Variants in NKD1 observed in about 807,000 individuals in gnomAD.
The protein encoded by NKD1 is protein naked cuticle homolog 1.
NKD1 carries 21 observed loss-of-function variants against 56.0 expected under a neutral mutation model. The observed-to-expected ratio is 0.38, with a 90% CI of 0.27 to 0.54. NKD1 has a LOEUF of 0.54. NKD1 is among the 20% of genes least tolerant of loss of function. The pLI is 0.82. For missense variants in NKD1, 578 were observed against 642.7 expected, an observed-to-expected ratio of 0.90 and a Z score of 1.09; for synonymous variants, 263 against 265.7, an observed-to-expected ratio of 0.99 and a Z score of 0.10.
intron 5 of NKD1, 26 bp downstream of exon 5, chr16:50,621,734 C>A: frequency 6.4e-7 from 1 of 1,563,678 alleles, no homozygotes; most frequent in Non-Finnish European, 8.8e-7. Flanking sequence ...GTGCTGGGTC[C>A]TGAGGAGATG....
In NKD1 at chr16:50,608,352, G is replaced by A. The variant is rs550610337; in HGVS notation, c.251G>A (p.Arg84Gln). 2.5e-4 allele frequency: 407 copies of A among 1,611,878 alleles called. 6 individuals are homozygous for A. The South Asian group carries it at 4.2e-3, about 17-fold the overall frequency. Residue 84 changes from arginine to glutamine, a missense_variant, in exon 4 of 10, where the codon CGG becomes CAG. Physicochemically the swap from Arg to Gln is conservative, Grantham distance 43. Coordinates refer to ENST00000268459, the MANE Select transcript of NKD1 (RefSeq NM_033119.5). ...TLSEEEEDDF[R>Q]LEVALPPEKT... is the part of the protein sequence containing the mutation. ...AGCGAGGAAGAGGAGGACGACTTTC[G>A]GCTGGAAGGTATTCGGAGTCCATTG... is the stretch of plus-strand genomic sequence containing the variant.
rs868252554 is a variant in NKD1, at chr16:50,637,029, C to T, written c.*3248C>T. The T allele has an allele frequency of 8.5e-5, 13 of 152,212 alleles. No homozygotes were observed. Among genetic ancestry groups the T allele is most frequent in the African/African-American group, 3.1e-4 (13 of 41,440 alleles). The allele number at this position is 152,212 out of a possible 1,614,324, so 9.4% of individuals were successfully genotyped here. A position where few individuals can be genotyped will look rare whatever the true frequency, so the allele number is the denominator to read the frequency against. ...GTCATAGAGCTCTGCCCCCTTCTCTCTAACAGCTGCTCAGCCTTCTGTGAC... is the reference window on the plus strand; with the variant it reads ...GTCATAGAGCTCTGCCCCCTTCTCTTTAACAGCTGCTCAGCCTTCTGTGAC... On this transcript the variant is annotated 3_prime_UTR_variant, in exon 10 of 10. Coordinates refer to ENST00000268459, the MANE Select transcript of NKD1 (RefSeq NM_033119.5).
At position 50,638,519 on chromosome 16, in the gene NKD1, C is replaced by T. The variant is rs1274154706; in HGVS notation, c.*4738C>T. 2.0e-5 allele frequency: 3 copies of T among 152,252 alleles called. No individual in the cohort carries two copies. The highest frequency in any genetic ancestry group is 4.4e-5 in the Non-Finnish European group (3 of 68,082). 9.4% of individuals were successfully genotyped at this position (152,252 alleles called of 1,614,324 possible). A position where few individuals can be genotyped will look rare whatever the true frequency, so the allele number is the denominator to read the frequency against. ...AGAGCAAAGACAGATGTTTCAGCCA[C>T]ACGCTTTATTAACTTCTAAAACCTG... On this transcript the variant is annotated 3_prime_UTR_variant, in exon 10 of 10. Transcript: ENST00000268459.
In NKD1 at chr16:50,585,456, G is replaced by A. The variant is rs148333302; in HGVS notation, c.193-22838G>A. ...CTGAGTCTGAGAGGCTGCTTTGGAC[G>A]TGCATCCTGGGCCTTGGAAGAATCT... On this transcript the variant is annotated intron_variant, in intron 3 of 9. Coordinates refer to ENST00000268459, the MANE Select transcript of NKD1 (RefSeq NM_033119.5). Among the ~76,000 whole-genome samples the A allele has an allele frequency of 2.4e-3, 361 of 152,324 alleles. 2 individuals are homozygous for A. The highest frequency in any genetic ancestry group is 8.0e-3 in the African/African-American group (333 of 41,584).
In NKD1 at chr16:50,633,592, G is replaced by C. The variant is rs200433062; in HGVS notation, c.1224G>C (p.Glu408Asp). Residue 408 changes from glutamate to aspartate, a missense_variant, in exon 10 of 10, where the codon GAG (glutamate) becomes GAC (aspartate). By Grantham distance (45) the Glu-to-Asp change is conservative. Coordinates refer to ENST00000268459, the MANE Select transcript of NKD1 (RefSeq NM_033119.5). This position sits in a 1 kb window ranked among gnomAD's most constrained non-coding sequence, Gnocchi z 4.9. Reference protein sequence around the residue: ...GHKKHKHRAKESQQGCRGLQA... With the variant: ...GHKKHKHRAKDSQQGCRGLQA... The stretch of plus-strand genomic sequence containing the variant: ...AGAAGCACAAGCACCGAGCCAAGGA[G>C]AGCCAGCAGGGCTGCCGGGGCCTGC... The C allele has an allele frequency of 1.8e-4, 288 of 1,611,394 alleles. 1 individual carries two copies. Among genetic ancestry groups the C allele is most frequent in the Non-Finnish European group, 2.3e-4 (274 of 1,179,518 alleles).
chr16:50,630,104 G>C, intron 6 of NKD1, 82 bp from the exon 7 acceptor site: 1 of 1,354,624 alleles, frequency 7.4e-7, no homozygotes, highest in Non-Finnish European at 1.0e-6. Flanking sequence ...CAGGCCTGCA[G>C]CGTCCACCAG....
chr16:50,611,551 G>A (rs926470899), intron 4 of NKD1, among the ~76,000 whole-genome samples: 1 of 152,194 alleles, frequency 6.6e-6, no homozygotes, highest in African/African-American at 2.4e-5. Context: ...GCCCAAGGGT[G>A]GATGTGCCTG....
intron 3 of NKD1, among the ~76,000 whole-genome samples, chr16:50,559,311 G>A (rs981639237): frequency 6.6e-6 from 1 of 152,230 alleles, no homozygotes; most frequent in Non-Finnish European, 1.5e-5. Flanking sequence ...TGAAGGAAAA[G>A]GATGGGGAAG....
intron 3 of NKD1, among the ~76,000 whole-genome samples, chr16:50,577,245 G>T (rs915821724): frequency 3.3e-5 from 5 of 152,118 alleles, no homozygotes; most frequent in African/African-American, 9.7e-5. Flanking sequence ...AGGGTTGTTG[G>T]GTGGGTGGGT....
chr16:50,562,760 G>C (rs12920383), intron 3 of NKD1, among the ~76,000 whole-genome samples: 6 of 152,000 alleles, frequency 3.9e-5, no homozygotes, highest in Non-Finnish European at 8.8e-5. Flanking sequence ...AGAGGGATGA[G>C]GGGGGAGGAG....
At position 50,640,633 on chromosome 16, in the gene NKD1, G is replaced by A. The variant is rs1962561456; in HGVS notation, c.*6852G>A. Reference sequence around the variant, plus strand: ...GGGAGGGAGGAGGGAGTGGAGTGGAGATTTCTCATCCTTTCCTGTTAATTT... The same window carrying A: ...GGGAGGGAGGAGGGAGTGGAGTGGAAATTTCTCATCCTTTCCTGTTAATTT... On this transcript the variant is annotated 3_prime_UTR_variant, in exon 10 of 10. Transcript: ENST00000268459. The A allele has an allele frequency of 1.3e-5, 2 of 152,180 alleles. No individual in the cohort carries two copies. Among genetic ancestry groups the A allele is most frequent in the Admixed American group, 6.5e-5 (1 of 15,276 alleles). 9.4% of individuals were successfully genotyped at this position (152,180 alleles called of 1,614,324 possible).
At chr16:50,615,405 T>C (rs776217672) in intron 4 of NKD1, among the ~76,000 whole-genome samples, 3 of 152,156 alleles carry the variant, frequency 2.0e-5, no homozygotes, top group Non-Finnish European at 2.9e-5. Context: ...ATGAGTGATA[T>C]AATGATGGTG....
At chr16:50,601,946 G>A (rs1157368911) in intron 3 of NKD1, among the ~76,000 whole-genome samples, 3 of 152,186 alleles carry the variant, frequency 2.0e-5, no homozygotes, top group Non-Finnish European at 2.9e-5. Flanking sequence ...CCCATCCCTG[G>A]GTCCAGGCCT....
chr16:50,554,450 C>T (rs577479404), intron 3 of NKD1, among the ~76,000 whole-genome samples: 1 of 152,278 alleles, frequency 6.6e-6, no homozygotes, highest in African/African-American at 2.4e-5. Flanking sequence ...TAGATTAGGT[C>T]ACCCTCCCTG....
At chr16:50,624,519 G>T (rs529761327) in intron 5 of NKD1, among the ~76,000 whole-genome samples, 1 of 152,354 alleles carries the variant, frequency 6.6e-6, no homozygotes, top group Non-Finnish European at 1.5e-5. Context: ...AAGCATGGGT[G>T]TAAAGGACAC....
At chr16:50,628,488 T>A (rs1962272820) in intron 6 of NKD1, among the ~76,000 whole-genome samples, 3 of 152,080 alleles carry the variant, frequency 2.0e-5, no homozygotes, top group African/African-American at 4.8e-5. Flanking sequence ...AGAGAAAAAA[T>A]GTCTTCTCCA....
chr16:50,560,232 C>T (rs970471841), intron 3 of NKD1, among the ~76,000 whole-genome samples: 1 of 152,226 alleles, frequency 6.6e-6, no homozygotes, highest in African/African-American at 2.4e-5. Context: ...AGTCCAAAGG[C>T]ACCCACTGCC....
intron 3 of NKD1, among the ~76,000 whole-genome samples, chr16:50,559,067 C>T (rs56054346): frequency 0.022 from 3,280 of 152,334 alleles, 58 homozygotes; most frequent in Non-Finnish European, 0.034. Flanking sequence ...TTCTCCCCAG[C>T]TCGGTGGCCT....
chr16:50,606,700 C>T (rs960617029), intron 3 of NKD1: 3 of 433,904 alleles, frequency 6.9e-6, no homozygotes, highest in African/African-American at 6.1e-5. Flanking sequence ...ATGCTGTCAC[C>T]CGGCTGCAGT....
Sources: allele counts gnomAD v4.1 joint callset (sites outside exome capture counted in the v4.1 genomes callset), GRCh38; gene constraint gnomAD v4.1.1; non-coding constraint Gnocchi (gnomAD v3.1); transcripts MANE v1.5; gene names NCBI Gene and HGNC (gene_info 2026-07-23, HGNC 2026-07-21).